The following SH2D4B variants were observed in gnomAD, a reference collection of about 807,000 sequenced individuals.
SH2D4B encodes the protein SH2 domain containing 4B.
A neutral mutation model predicts 61.5 loss-of-function variants in SH2D4B; 45 were observed. That is an observed-to-expected ratio of 0.73 (90% CI 0.58 to 0.94). The LOEUF (loss-of-function observed/expected upper bound fraction) is 0.94. Among genes scored for constraint, SH2D4B ranks in the 40% least tolerant of loss-of-function variants. The pLI, the probability that SH2D4B is intolerant of heterozygous loss-of-function variation, is 0.00. For missense variants in SH2D4B, 572 were observed against 574.2 expected, an observed-to-expected ratio of 1.00 and a Z score of 0.04; for synonymous variants, 224 against 220.4, an observed-to-expected ratio of 1.02 and a Z score of -0.14.
intron 3 of SH2D4B, among the ~76,000 whole-genome samples, chr10:80,587,559 G>A (rs567256448): frequency 2.6e-5 from 4 of 151,186 alleles, no homozygotes; most frequent in Admixed American, 6.6e-5. Context: ...GATTACACGC[G>A]TGAGCCACGA....
chr10:80,644,161 C>A lies in SH2D4B; in HGVS notation c.*76C>A. 8.5e-7 allele frequency: 1 copy of A among 1,169,788 alleles called. No individual in the cohort carries two copies. Among genetic ancestry groups the A allele is most frequent in the Non-Finnish European group, 1.3e-6 (1 of 792,868 alleles). The allele number at this position is 1,169,788 out of a possible 1,614,324, so 72.5% of individuals were successfully genotyped here. ...GCTTAAGAACTTCTCATCTCAAATC[C>A]TATGGCCTTCTGGAAGATCCACCAC... On this transcript the variant is annotated 3_prime_UTR_variant, in exon 8 of 8. Coordinates refer to ENST00000646907, the MANE Select transcript of SH2D4B (RefSeq NM_001388272.1).
intron 1 of SH2D4B, among the ~76,000 whole-genome samples, chr10:80,547,311 G>C (rs558477199): frequency 6.6e-6 from 1 of 152,212 alleles, no homozygotes; most frequent in Admixed American, 6.5e-5. Flanking sequence ...TAGTCTTGCT[G>C]TCATAATATG....
chr10:80,600,296 G>T (rs934801979), intron 4 of SH2D4B, among the ~76,000 whole-genome samples: 8 of 152,152 alleles, frequency 5.3e-5, no homozygotes, highest in Admixed American at 2.0e-4. Context: ...TTCACCCAAG[G>T]GATTACTACA....
intron 1 of SH2D4B, among the ~76,000 whole-genome samples, chr10:80,552,460 T>C (rs1330474095): frequency 1.3e-5 from 2 of 152,184 alleles, no homozygotes; most frequent in African/African-American, 4.8e-5. Flanking sequence ...TTCTGTCCCC[T>C]CATTTCAGGA....
At chr10:80,634,587 C>T (rs1842875352) in intron 7 of SH2D4B, 82 bp downstream of exon 7, 1 of 1,508,740 alleles carries the variant, frequency 6.6e-7, no homozygotes, top group African/African-American at 1.4e-5. Context: ...GCAAGAGAAG[C>T]AAGGCTGCTG....
chr10:80,573,901 TTATAGC>T lies in SH2D4B; in HGVS notation c.495+2325_495+2330del, dbSNP rs1842093077. ...TGATTTTCATTAGAATTGCATCAAT[TTATAGC>T]TGTCTTTGTGAAAAATGGACATTTT... is the stretch of plus-strand genomic sequence containing the variant. On this transcript the variant is annotated intron_variant, in intron 3 of 7. Transcript: ENST00000646907. Among the ~76,000 whole-genome samples the T allele has an allele frequency of 6.6e-5, 10 of 152,134 alleles. No individual in the cohort carries two copies. The South Asian group carries it at 1.9e-3, about 28-fold the overall frequency.
At chr10:80,576,955 A>T (rs1284509300) in intron 3 of SH2D4B, among the ~76,000 whole-genome samples, 1 of 152,074 alleles carries the variant, frequency 6.6e-6, no homozygotes, top group African/African-American at 2.4e-5. Context: ...TTTAGTAGAG[A>T]CAGGTTTCAC....
intron 1 of SH2D4B, among the ~76,000 whole-genome samples, chr10:80,540,071 TAC>T (rs1274704845): frequency 6.6e-6 from 1 of 152,202 alleles, no homozygotes; most frequent in East Asian, 1.9e-4. Context: ...AAAATATTTA[TAC>T]AGAGATTTGT....
intron 6 of SH2D4B, among the ~76,000 whole-genome samples, chr10:80,629,779 A>AATATCTTACG (rs1842809847): frequency 6.6e-6 from 1 of 152,242 alleles, no homozygotes; most frequent in Non-Finnish European, 1.5e-5. Context: ...CGTAAGACAT[A>AATATCTTACG]GCTATTAATA....
intron 7 of SH2D4B, among the ~76,000 whole-genome samples, chr10:80,636,032 A>C (rs1184144342): frequency 1.3e-5 from 2 of 152,122 alleles, no homozygotes; most frequent in Non-Finnish European, 2.9e-5. Flanking sequence ...CCCACCTATG[A>C]GTGAGAACAT....
Position 80,634,358 on chromosome 10 carries a change from T to A in SH2D4B, c.1062T>A (p.Ser354Arg). 6.4e-7 allele frequency: 1 copy of A among 1,550,434 alleles called. No individual in the cohort carries two copies. The highest frequency in any genetic ancestry group is 1.4e-5 in the African/African-American group (1 of 73,170). Residue 354 changes from serine to arginine, a missense_variant, in exon 7 of 8, where the codon AGT becomes AGA. Coordinates refer to ENST00000646907, the MANE Select transcript of SH2D4B (RefSeq NM_001388272.1). Reference sequence around the variant, plus strand: ...AGGGAGCATTCCTGGTCCGGGTCAGTGAGAAAATCTGGGGTTACACCCTCT... The same window carrying A: ...AGGGAGCATTCCTGGTCCGGGTCAGAGAGAAAATCTGGGGTTACACCCTCT... Reference protein sequence around the residue: ...MTEGAFLVRVSEKIWGYTLSY... With the variant: ...MTEGAFLVRVREKIWGYTLSY...
intron 6 of SH2D4B, among the ~76,000 whole-genome samples, chr10:80,613,679 C>T (rs1309018664): frequency 2.0e-5 from 3 of 152,208 alleles, no homozygotes; most frequent in Admixed American, 1.3e-4. Flanking sequence ...CAAGCACAAA[C>T]GGGGGACCCC....
At chr10:80,604,196 C>T (rs1842488778) in intron 5 of SH2D4B, among the ~76,000 whole-genome samples, 1 of 152,194 alleles carries the variant, frequency 6.6e-6, no homozygotes, top group South Asian at 2.1e-4. Context: ...GACACCAGGG[C>T]TTGCTGCCTG....
chr10:80,565,180 A>C (rs903753391), intron 1 of SH2D4B, among the ~76,000 whole-genome samples: 4 of 152,180 alleles, frequency 2.6e-5, no homozygotes, highest in African/African-American at 9.7e-5. Flanking sequence ...TATACCTATT[A>C]AGTTAGGTTA....
At chr10:80,622,270 G>T (rs1317013050) in intron 6 of SH2D4B, among the ~76,000 whole-genome samples, 2 of 152,102 alleles carry the variant, frequency 1.3e-5, no homozygotes, top group South Asian at 2.1e-4. Flanking sequence ...TGTTGAAAGG[G>T]TTCTTATGTA....
Position 80,576,838 on chromosome 10 carries a change from G to A in SH2D4B, c.495+5260G>A, listed in dbSNP as rs1041494430. Reference sequence around the variant, plus strand: ...GCTGGAGTGCAGGGACATGATCTTGGCTCACTGAAACTTCTGCCTCCTGGG... The same window carrying A: ...GCTGGAGTGCAGGGACATGATCTTGACTCACTGAAACTTCTGCCTCCTGGG... On this transcript the variant is annotated intron_variant, in intron 3 of 7. Coordinates refer to ENST00000646907, the MANE Select transcript of SH2D4B (RefSeq NM_001388272.1). Among the ~76,000 whole-genome samples the A allele has an allele frequency of 5.3e-5, 8 of 152,172 alleles. No individual in the cohort carries two copies. In the East Asian group the frequency reaches 1.5e-3, roughly 29 times the overall value.
chr10:80,645,468 T>C lies in SH2D4B; in HGVS notation c.*1383T>C, dbSNP rs1397891206. 1.3e-5 allele frequency: 2 copies of C among 152,322 alleles called. No individual in the cohort carries two copies. Among genetic ancestry groups the C allele is most frequent in the Admixed American group, 1.3e-4 (2 of 15,294 alleles). The allele number at this position is 152,322 out of a possible 1,614,324, so 9.4% of individuals were successfully genotyped here. Reference sequence around the variant, plus strand: ...AGAGATGGGAAGTGAATGCCCGATGTGGTGAATCTGGGATGAATGGGAGTC... The same window carrying C: ...AGAGATGGGAAGTGAATGCCCGATGCGGTGAATCTGGGATGAATGGGAGTC... On this transcript the variant is annotated 3_prime_UTR_variant, in exon 8 of 8. Transcript: ENST00000646907.
intron 4 of SH2D4B, among the ~76,000 whole-genome samples, chr10:80,599,436 G>A (rs1842420139): frequency 1.3e-5 from 2 of 152,142 alleles, no homozygotes; most frequent in South Asian, 4.1e-4. Flanking sequence ...GCTCCCATGT[G>A]GCCGATTAGT....
intron 6 of SH2D4B, among the ~76,000 whole-genome samples, chr10:80,614,796 G>A (rs1842641590): frequency 6.6e-6 from 1 of 152,250 alleles, no homozygotes; most frequent in South Asian, 2.1e-4. Context: ...GTTGGCCGGG[G>A]CCTGGGGCTG....
Sources: allele counts gnomAD v4.1 joint callset (sites outside exome capture counted in the v4.1 genomes callset), GRCh38; gene constraint gnomAD v4.1.1; transcripts MANE v1.5; gene names NCBI Gene and HGNC (gene_info 2026-07-23, HGNC 2026-07-21).